ROBO2: variants seen among roughly 807,000 people sequenced by gnomAD.
The protein encoded by ROBO2 is roundabout guidance receptor 2.
In ROBO2, 53 loss-of-function variants were observed where a neutral mutation model predicts 160.8. The ratio of observed to expected loss-of-function variants is 0.33; its 90% confidence interval spans 0.26 to 0.41. The LOEUF is 0.41. Ranked by LOEUF, ROBO2 falls within the 10% of genes least tolerant of loss-of-function variation. The pLI is 1.00. For synonymous variants in ROBO2, 664 were observed against 611.7 expected (o/e 1.09, Z -1.26); for missense variants, 1,577 against 1,722.4 (o/e 0.92, Z 1.49).
At chr3:76,214,837 G>C (rs1320156074) in intron 2 of ROBO2, among the ~76,000 whole-genome samples, 1 of 152,230 alleles carries the variant, frequency 6.6e-6, no homozygotes, top group Non-Finnish European at 1.5e-5. Context: ...CACGCAGCTG[G>C]AGATCTGAGA....
intron 2 of ROBO2, among the ~76,000 whole-genome samples, chr3:76,750,564 A>G (rs1378343933): frequency 1.3e-5 from 2 of 152,164 alleles, no homozygotes; most frequent in Non-Finnish European, 2.9e-5. Context: ...TCTCAGCCCC[A>G]AATCTCCTTA....
intron 2 of ROBO2, among the ~76,000 whole-genome samples, chr3:76,386,902 A>T (rs1175847198): frequency 6.6e-6 from 1 of 152,134 alleles, no homozygotes; most frequent in East Asian, 1.9e-4. Flanking sequence ...TGAGTACTAG[A>T]ATAAAAGGTG....
chr3:77,166,792 C>T (rs1338260344), intron 2 of ROBO2, among the ~76,000 whole-genome samples: 3 of 152,144 alleles, frequency 2.0e-5, no homozygotes, highest in African/African-American at 7.2e-5. Context: ...ATCTCCTGAC[C>T]TCGTGATCCG....
chr3:77,436,882 G>T (rs2079346956), intron 2 of ROBO2, among the ~76,000 whole-genome samples: 1 of 151,870 alleles, frequency 6.6e-6, no homozygotes. Context: ...AAGTTTAGCA[G>T]CTATGCAATA....
intron 1 of ROBO2, among the ~76,000 whole-genome samples, chr3:77,076,791 A>G (rs1205414449): frequency 1.3e-5 from 2 of 152,208 alleles, no homozygotes; most frequent in Admixed American, 6.5e-5. Context: ...CTTACAGACA[A>G]TTTTGAGTTT....
chr3:76,343,084 T>A (rs1311482354), intron 2 of ROBO2, among the ~76,000 whole-genome samples: 1 of 152,120 alleles, frequency 6.6e-6, no homozygotes, highest in African/African-American at 2.4e-5. Flanking sequence ...TAATTTCTAT[T>A]CAATTACCAG....
At chr3:76,842,638 TTC>T (rs1196013661) in intron 2 of ROBO2, among the ~76,000 whole-genome samples, 1 of 152,208 alleles carries the variant, frequency 6.6e-6, no homozygotes, top group African/African-American at 2.4e-5. Context: ...GAAGTAGGTC[TTC>T]TATAAATGCG....
In ROBO2 at chr3:76,723,718, A is replaced by G. The variant is rs138824962; in HGVS notation, c.110-374296A>G. ...AAAGACTTTGGTGACTGGTGGACAC[A>G]CTTTTCTCTTTCATCCAAAGTCTTG... On this transcript the variant is annotated intron_variant, in intron 2 of 26. Coordinates refer to the ROBO2 transcript ENST00000487694. Among the ~76,000 whole-genome samples, 494 of 152,336 alleles carry G rather than the reference A, an allele frequency of 3.2e-3. 1 individual carries two copies. Among genetic ancestry groups the G allele is most frequent in the African/African-American group, 0.01 (432 of 41,580 alleles).
At chr3:77,362,946 C>G (rs527481017) in intron 2 of ROBO2, among the ~76,000 whole-genome samples, 1 of 152,232 alleles carries the variant, frequency 6.6e-6, no homozygotes, top group Non-Finnish European at 1.5e-5. Context: ...ATTCAATTAC[C>G]TCCCACCGGG....
chr3:76,269,114 T>C (rs914251179), intron 2 of ROBO2, among the ~76,000 whole-genome samples: 2 of 152,074 alleles, frequency 1.3e-5, no homozygotes, highest in Admixed American at 6.6e-5. Context: ...AGCAGGATGA[T>C]TGCAGTCAAC....
chr3:76,286,471 A>AT (rs1290033742), intron 2 of ROBO2, among the ~76,000 whole-genome samples: 6 of 152,292 alleles, frequency 3.9e-5, no homozygotes, highest in South Asian at 4.2e-4. Context: ...TTGAAGAATG[A>AT]TAAAAAAAGA....
At chr3:76,151,342 C>T (rs1332828521) in intron 2 of ROBO2, among the ~76,000 whole-genome samples, 1 of 152,108 alleles carries the variant, frequency 6.6e-6, no homozygotes, top group Non-Finnish European at 1.5e-5. Context: ...AAATGGGATA[C>T]ATATAATAGA....
intron 2 of ROBO2, among the ~76,000 whole-genome samples, chr3:77,143,639 A>G (rs1345530635): frequency 1.3e-5 from 2 of 152,170 alleles, no homozygotes; most frequent in African/African-American, 4.8e-5. Context: ...GCTGTGTTTA[A>G]TACTTATGGA....
chr3:76,966,008 C>T (rs566107785), intron 2 of ROBO2, among the ~76,000 whole-genome samples: 19 of 150,478 alleles, frequency 1.3e-4, no homozygotes, highest in African/African-American at 3.4e-4. Flanking sequence ...CCACAACCTC[C>T]GCCTTCTGGG....
chr3:76,073,707 G>A (rs935618064), intron 2 of ROBO2, among the ~76,000 whole-genome samples: 18 of 152,274 alleles, frequency 1.2e-4, no homozygotes, highest in South Asian at 4.1e-4. Flanking sequence ...CACTTGGGAC[G>A]CTAGAGCTGT....
intron 2 of ROBO2, among the ~76,000 whole-genome samples, chr3:77,330,780 G>C (rs988571521): frequency 6.6e-6 from 1 of 152,142 alleles, no homozygotes; most frequent in Non-Finnish European, 1.5e-5. Flanking sequence ...TATGCACTTT[G>C]CTTATTTATC....
At chr3:77,161,840 G>T (rs59607848) in intron 2 of ROBO2, among the ~76,000 whole-genome samples, 3,510 of 151,392 alleles carry the variant, frequency 0.023, 76 homozygotes, top group South Asian at 0.066. Flanking sequence ...TGTTGTCATG[G>T]TTTTTTACTA....
At chr3:76,890,711 A>G (rs1029757637) in intron 2 of ROBO2, among the ~76,000 whole-genome samples, 1 of 152,126 alleles carries the variant, frequency 6.6e-6, no homozygotes, top group East Asian at 1.9e-4. Flanking sequence ...CTTACTGGAC[A>G]CTCCAACTAG....
chr3:77,458,809 G>A (rs2081956543), intron 2 of ROBO2, among the ~76,000 whole-genome samples: 2 of 152,112 alleles, frequency 1.3e-5, no homozygotes, highest in South Asian at 4.1e-4. Context: ...ATTAGGTTAA[G>A]GAATTGTAAA....
Sources: allele counts gnomAD v4.1 joint callset (sites outside exome capture counted in the v4.1 genomes callset), GRCh38; gene constraint gnomAD v4.1.1; transcripts MANE v1.5; gene names NCBI Gene and HGNC (gene_info 2026-07-23, HGNC 2026-07-21).